Variants in NXPE2 observed in about 807,000 individuals in gnomAD.
NXPE2 encodes NXPE family member 2.
A neutral mutation model predicts 34.4 loss-of-function variants in NXPE2; 34 were observed. The ratio of observed to expected loss-of-function variants is 0.99; its 90% confidence interval spans 0.75 to 1.31. The LOEUF (loss-of-function observed/expected upper bound fraction) is 1.31. Among genes scored for constraint, NXPE2 ranks in the 40% most tolerant of loss-of-function variants. NXPE2 has a pLI of 0.00. For missense variants in NXPE2, 649 were observed against 672.5 expected, an observed-to-expected ratio of 0.97 and a Z score of 0.39; for synonymous variants, 235 against 231.3, an observed-to-expected ratio of 1.02 and a Z score of -0.15.
At chr11:114,747,785 G>A in the NXPE2 span, among the ~76,000 whole-genome samples, 2 of 152,108 alleles carry the variant, frequency 1.3e-5, no homozygotes, top group Non-Finnish European at 2.9e-5. Context: ...AGGACACAGC[G>A]CCAAACCATA....
chr11:114,612,227 G>T, the NXPE2 span, among the ~76,000 whole-genome samples: 3 of 151,940 alleles, frequency 2.0e-5, no homozygotes, highest in Admixed American at 1.3e-4. Context: ...TGCCTCTATG[G>T]TAACCACTGT....
chr11:114,634,619 A>C, the NXPE2 span, among the ~76,000 whole-genome samples: 78,829 of 151,656 alleles, frequency 0.52, 21,482 homozygotes, highest in African/African-American at 0.65. Context: ...AGTCTTTAAT[A>C]CATTTTGAAT....
the NXPE2 span, among the ~76,000 whole-genome samples, chr11:114,749,322 T>C: frequency 2.0e-5 from 3 of 152,196 alleles, no homozygotes; most frequent in South Asian, 2.1e-4. Flanking sequence ...TTTATGTATA[T>C]GTATATAATG....
chr11:114,794,734 A>C, the NXPE2 span, among the ~76,000 whole-genome samples: 3 of 152,270 alleles, frequency 2.0e-5, no homozygotes, highest in African/African-American at 4.8e-5. Flanking sequence ...ATTCCCACTC[A>C]TGGGGAATCT....
At chr11:114,525,569 C>T in the NXPE2 span, among the ~76,000 whole-genome samples, 2 of 152,174 alleles carry the variant, frequency 1.3e-5, no homozygotes, top group South Asian at 2.1e-4. Context: ...CTTCCCCCTT[C>T]CCCCCTTACT....
chr11:114,795,981 A>G, the NXPE2 span, among the ~76,000 whole-genome samples: 1 of 152,164 alleles, frequency 6.6e-6, no homozygotes, highest in South Asian at 2.1e-4. Flanking sequence ...TCACACTCCT[A>G]TTCAGTACCT....
At chr11:114,640,991 A>G in the NXPE2 span, among the ~76,000 whole-genome samples, 2 of 152,066 alleles carry the variant, frequency 1.3e-5, no homozygotes, top group South Asian at 4.1e-4. Flanking sequence ...AAGTGTAATC[A>G]ACATCATTGG....
chr11:114,617,111 T>G, the NXPE2 span, among the ~76,000 whole-genome samples: 1 of 152,086 alleles, frequency 6.6e-6, no homozygotes, highest in South Asian at 2.1e-4. Flanking sequence ...TGTTGCCTCG[T>G]GGGTAACCAC....
chr11:114,540,589 A>G, the NXPE2 span, among the ~76,000 whole-genome samples: 1 of 152,144 alleles, frequency 6.6e-6, no homozygotes, highest in Non-Finnish European at 1.5e-5. Flanking sequence ...TAAGTATAAC[A>G]AAAGAGTTCT....
At chr11:114,778,793 G>A in the NXPE2 span, among the ~76,000 whole-genome samples, 116 of 152,248 alleles carry the variant, frequency 7.6e-4, no homozygotes, top group Middle Eastern at 6.8e-3. Context: ...CTAGATAATT[G>A]AAATAAAACA....
the NXPE2 span, among the ~76,000 whole-genome samples, chr11:114,787,473 C>G: frequency 6.6e-6 from 1 of 152,150 alleles, no homozygotes; most frequent in African/African-American, 2.4e-5. Flanking sequence ...CAAGGGACCT[C>G]TTACAATTCT....
the NXPE2 span, among the ~76,000 whole-genome samples, chr11:114,497,506 A>G: frequency 6.8e-6 from 1 of 148,032 alleles, no homozygotes; most frequent in African/African-American, 2.5e-5. Context: ...CTATGTTTAG[A>G]TATGTTTAAA....
chr11:114,626,634 C>T, the NXPE2 span, among the ~76,000 whole-genome samples: 10 of 152,182 alleles, frequency 6.6e-5, no homozygotes, highest in East Asian at 3.8e-4. Context: ...TCCAAAGGAA[C>T]GCAGTTCCTC....
the NXPE2 span, chr11:114,521,834 A>G: frequency 2.9e-6 from 2 of 679,030 alleles, no homozygotes; most frequent in South Asian, 2.1e-5. Flanking sequence ...TTGTCCTTAC[A>G]TAGCCTTCCT....
chr11:114,784,432 C>T, the NXPE2 span, among the ~76,000 whole-genome samples: 5 of 152,296 alleles, frequency 3.3e-5, 1 homozygote, highest in South Asian at 1.0e-3. Context: ...CTCAATTGCA[C>T]AGCTGTCTGC....
the NXPE2 span, among the ~76,000 whole-genome samples, chr11:114,641,712 A>G: frequency 6.6e-6 from 1 of 152,124 alleles, no homozygotes; most frequent in Non-Finnish European, 1.5e-5. Flanking sequence ...AACAGAATAA[A>G]ACCTAACTCT....
chr11:114,513,332 AT>A, the NXPE2 span: 1 of 441,464 alleles, frequency 2.3e-6, no homozygotes, highest in South Asian at 2.2e-5. Flanking sequence ...TTTCTCCATG[AT>A]TTCCTTTATT....
chr11:114,725,976 A>AATATATATATATATAT, the NXPE2 span, among the ~76,000 whole-genome samples: 24 of 101,758 alleles, frequency 2.4e-4, 1 homozygote, highest in African/African-American at 7.1e-4. Context: ...ATAAAAAAAA[A>AATATATATATATATAT]ATATATATAT....
In NXPE2 at chr11:114,706,728, G is replaced by T. The variant is rs1442662327; in HGVS notation, c.1478G>T (p.Arg493Ile). 1.3e-6 allele frequency: 2 copies of T among 1,552,228 alleles called. No individual in the cohort carries two copies. The highest frequency in any genetic ancestry group is 1.2e-5 in the South Asian group (1 of 84,064). The change falls in exon 6 of 6, where the codon AGA becomes ATA. Residue 493 changes from arginine (R) to isoleucine (I), a missense_variant. Physicochemically the swap from Arg to Ile is moderately conservative, Grantham distance 97 (BLOSUM62 -3). Coordinates refer to ENST00000389586, the MANE Select transcript of NXPE2 (RefSeq NM_182495.6). ...GTGATACTTAAAACTGAAAACACCA[G>T]AGAGATAGAACAAAATGCAGAGATG... ...TKVILKTENT[R>I]EIEQNAEMFS...
Sources: allele counts gnomAD v4.1 joint callset (sites outside exome capture counted in the v4.1 genomes callset), GRCh38; gene constraint gnomAD v4.1.1; transcripts MANE v1.5; gene names NCBI Gene and HGNC (gene_info 2026-07-23, HGNC 2026-07-21).